CRACD: variants seen among roughly 807,000 people sequenced by gnomAD.
The protein encoded by CRACD is capping protein inhibiting regulator of actin dynamics.
CRACD carries 56 observed loss-of-function variants against 106.8 expected under a neutral mutation model. The ratio of observed to expected loss-of-function variants is 0.52; its 90% CI spans 0.42 to 0.66. The LOEUF is 0.66. CRACD is among the 30% of genes least tolerant of loss of function. CRACD has a pLI of 0.00. For synonymous variants in CRACD, 754 were observed against 670.8 expected (o/e 1.12, Z -1.92); for missense variants, 1,730 against 1,623.2 (o/e 1.07, Z -1.13).
At chr4:56,080,552 G>A (rs1306936753) in intron 1 of CRACD, among the ~76,000 whole-genome samples, 1 of 152,200 alleles carries the variant, frequency 6.6e-6, no homozygotes, top group African/African-American at 2.4e-5. Context: ...GCATGCTACT[G>A]CATGGGCAAT....
At chr4:56,270,547 T>A (rs571939009) in intron 2 of CRACD, among the ~76,000 whole-genome samples, 18 of 152,296 alleles carry the variant, frequency 1.2e-4, no homozygotes, top group Admixed American at 1.0e-3. Flanking sequence ...GTGCGTTTTG[T>A]GCAGGTGTTT....
chr4:56,077,452 G>C (rs1183466071), intron 1 of CRACD, among the ~76,000 whole-genome samples: 1 of 152,186 alleles, frequency 6.6e-6, no homozygotes, highest in Non-Finnish European at 1.5e-5. Context: ...GTGCACATTT[G>C]TGTGTAATTG....
intron 1 of CRACD, among the ~76,000 whole-genome samples, chr4:56,086,195 T>G (rs532286089): frequency 3.2e-4 from 48 of 152,282 alleles, no homozygotes; most frequent in African/African-American, 1.1e-3. Context: ...CCAGCAACTC[T>G]GAATCTTGGG....
intron 1 of CRACD, among the ~76,000 whole-genome samples, chr4:56,054,728 A>T (rs1052260278): frequency 6.6e-6 from 1 of 152,254 alleles, no homozygotes; most frequent in African/African-American, 2.4e-5. Context: ...TTATAGTCAC[A>T]TGTTGTCAGC....
chr4:56,278,526 A>C (rs1296240187), intron 3 of CRACD, among the ~76,000 whole-genome samples: 4 of 152,232 alleles, frequency 2.6e-5, no homozygotes, highest in Non-Finnish European at 5.9e-5. Flanking sequence ...CACAGACCTA[A>C]ATGTAAGAAT....
chr4:56,330,281 G>A lies in CRACD; in HGVS notation c.*2477G>A, dbSNP rs1443443244. Among the ~76,000 whole-genome samples the A allele has an allele frequency of 1.3e-5, 2 of 151,504 alleles. No homozygotes were observed. The highest frequency in any genetic ancestry group is 2.9e-5 in the Non-Finnish European group (2 of 67,956). On this transcript the variant is annotated 3_prime_UTR_variant, in exon 11 of 11. Coordinates refer to ENST00000682029, the MANE Select transcript of CRACD (RefSeq NM_001393381.1). ...GTTCATAGACTTATATATAAAACTA[G>A]AGGGTTTTTTGTTTACTTTTTTAAT...
chr4:56,179,222 A>T (rs1736711517), intron 1 of CRACD, 62 bp from the exon 2 acceptor site: 1 of 151,970 alleles, frequency 6.6e-6, no homozygotes, highest in African/African-American at 2.4e-5. Context: ...ATTCATTTTA[A>T]AGGCTCCCCA....
At chr4:56,110,128 A>G (rs1275826924) in intron 1 of CRACD, among the ~76,000 whole-genome samples, 1 of 152,228 alleles carries the variant, frequency 6.6e-6, no homozygotes, top group Non-Finnish European at 1.5e-5. Flanking sequence ...ACCCAAAGTT[A>G]AGAATCAAAA....
At chr4:56,227,800 G>A (rs1739385966) in intron 2 of CRACD, among the ~76,000 whole-genome samples, 2 of 152,194 alleles carry the variant, frequency 1.3e-5, no homozygotes, top group Non-Finnish European at 1.5e-5. Context: ...CAACAAGTGT[G>A]TTATATCTGG....
At chr4:56,324,618 C>T (rs529349535) in intron 10 of CRACD, among the ~76,000 whole-genome samples, 13 of 152,292 alleles carry the variant, frequency 8.5e-5, no homozygotes, top group Admixed American at 2.0e-4. Flanking sequence ...CATTTGTGAA[C>T]GTTTAGCACG....
At chr4:56,226,814 T>C (rs2109525196) in intron 2 of CRACD, among the ~76,000 whole-genome samples, 1 of 152,080 alleles carries the variant, frequency 6.6e-6, no homozygotes, top group South Asian at 2.1e-4. Context: ...CTTCCCTCTT[T>C]CTTTCCCTCT....
chr4:56,222,088 G>A (rs564776506), intron 2 of CRACD, among the ~76,000 whole-genome samples: 5 of 152,292 alleles, frequency 3.3e-5, no homozygotes, highest in South Asian at 4.1e-4. Flanking sequence ...ATGCCTGCAC[G>A]CATATGTTTT....
chr4:56,182,362 C>G (rs1736864554), intron 2 of CRACD, among the ~76,000 whole-genome samples: 1 of 151,526 alleles, frequency 6.6e-6, no homozygotes, highest in Non-Finnish European at 1.5e-5. Flanking sequence ...AGAGTGAGAC[C>G]CAGTTTGTCT....
In CRACD at chr4:56,180,357, C is replaced by T. The variant is rs192837190; in HGVS notation, c.-189+927C>T. ...ACACAAAAACAGCTGGGCGTGATGG[C>T]GGGCGCCTGTAATCCCAGCTACTTG... On this transcript the variant is annotated intron_variant, in intron 2 of 10. Transcript: ENST00000682029. 4.7e-3 allele frequency among the ~76,000 whole-genome samples: 714 copies of T among 151,396 alleles called. 5 individuals are homozygous for T. Among genetic ancestry groups the T allele is most frequent in the African/African-American group, 0.016 (680 of 41,258 alleles).
At chr4:56,297,640 A>G (rs1389985009) in intron 3 of CRACD, among the ~76,000 whole-genome samples, 1 of 152,230 alleles carries the variant, frequency 6.6e-6, no homozygotes, top group African/African-American at 2.4e-5. Flanking sequence ...CCAGCCACCT[A>G]TAAGGTGTTC....
At chr4:56,308,998 C>CCT in intron 5 of CRACD, 4 of 771,164 alleles carry the variant, frequency 5.2e-6, no homozygotes, top group Non-Finnish European at 7.8e-6. Flanking sequence ...TAGTTTACAC[C>CCT]CTAATGAGAG....
At chr4:56,268,153 T>A (rs1742137642) in intron 2 of CRACD, among the ~76,000 whole-genome samples, 1 of 152,248 alleles carries the variant, frequency 6.6e-6, no homozygotes, top group African/African-American at 2.4e-5. Context: ...ACCTGTTGGT[T>A]AAATAGATGA....
At chr4:56,225,270 T>A (rs1291578196) in intron 2 of CRACD, among the ~76,000 whole-genome samples, 1 of 152,070 alleles carries the variant, frequency 6.6e-6, no homozygotes, top group Non-Finnish European at 1.5e-5. Context: ...TTTTTTGTAG[T>A]TTTAGTAGAG....
intron 1 of CRACD, among the ~76,000 whole-genome samples, chr4:56,145,137 A>G (rs191604343): frequency 7.0e-4 from 106 of 152,120 alleles, no homozygotes; most frequent in Non-Finnish European, 1.2e-3. Context: ...CTTACATCCA[A>G]TTTTCTTATT....
Sources: allele counts gnomAD v4.1 joint callset (sites outside exome capture counted in the v4.1 genomes callset), GRCh38; gene constraint gnomAD v4.1.1; transcripts MANE v1.5; gene names NCBI Gene and HGNC (gene_info 2026-07-23, HGNC 2026-07-21).